Variants in AKIRIN1 observed in about 807,000 individuals in gnomAD.
AKIRIN1 encodes akirin 1.
A neutral mutation model predicts 25.9 loss-of-function variants in AKIRIN1; 4 were observed. The observed-to-expected ratio is 0.15, with a 90% confidence interval of 0.08 to 0.35. The LOEUF (loss-of-function observed/expected upper bound fraction) is 0.35, where lower values mean the gene tolerates loss of function less well. AKIRIN1 is among the 10% of genes least tolerant of loss of function. The pLI is 1.00. For missense variants in AKIRIN1, 243 were observed against 266.1 expected, an observed-to-expected ratio of 0.91 and a Z score of 0.61; for synonymous variants, 125 against 105.1, an observed-to-expected ratio of 1.19 and a Z score of -1.16.
intron 1 of AKIRIN1, among the ~76,000 whole-genome samples, chr1:38,992,192 A>G (rs576540235): frequency 2.2e-4 from 33 of 152,314 alleles, no homozygotes; most frequent in African/African-American, 7.9e-4. Context: ...CTCGTACCAT[A>G]TATGGCTTGA....
chr1:39,000,663 CT>C (rs796916087), intron 2 of AKIRIN1, among the ~76,000 whole-genome samples: 12 of 144,178 alleles, frequency 8.3e-5, no homozygotes, highest in African/African-American at 7.6e-5. Context: ...TTTCTTTTTT[CT>C]TTTTTTTTTG....
chr1:38,997,274 T>C (rs984236168), intron 1 of AKIRIN1, among the ~76,000 whole-genome samples: 1 of 152,182 alleles, frequency 6.6e-6, no homozygotes, highest in Admixed American at 6.6e-5. Context: ...TCAAGGTGGT[T>C]AGTAATTTGT....
rs1223101017 is a variant in AKIRIN1, at chr1:39,005,112, C to T, written c.*1057C>T. ...CTTGAGGTCAGGAGTTCGAGACCAC[C>T]CTGGCCAATATGGTGAAACCCCATC... On this transcript the variant is annotated 3_prime_UTR_variant, in exon 5 of 5. Coordinates refer to ENST00000432648, the MANE Select transcript of AKIRIN1 (RefSeq NM_024595.3). The T allele has an allele frequency of 6.6e-6, 1 of 152,280 alleles. No individual in the cohort carries two copies. Among genetic ancestry groups the T allele is most frequent in the African/African-American group, 2.4e-5 (1 of 41,548 alleles). 9.4% of individuals were successfully genotyped at this position (152,280 alleles called of 1,614,324 possible).
At chr1:38,999,407 G>A (rs1643971637) in intron 2 of AKIRIN1, among the ~76,000 whole-genome samples, 1 of 152,228 alleles carries the variant, frequency 6.6e-6, no homozygotes, top group Admixed American at 6.5e-5. Context: ...GGTGGTAGTA[G>A]TGTAACATTT....
intron 1 of AKIRIN1, among the ~76,000 whole-genome samples, chr1:38,995,898 G>A (rs76222953): frequency 0.049 from 7,415 of 152,186 alleles, 221 homozygotes; most frequent in South Asian, 0.091. Context: ...GGTGGGTGTG[G>A]TGGCGGGCTC....
At position 39,004,308 on chromosome 1, in the gene AKIRIN1, G is replaced by A; in HGVS notation, c.*253G>A. 1.5e-6 allele frequency: 1 copy of A among 651,488 alleles called. No individual in the cohort carries two copies. The highest frequency in any genetic ancestry group is 2.8e-6 in the Non-Finnish European group (1 of 357,768). 40.4% of individuals were successfully genotyped at this position (651,488 alleles called of 1,614,324 possible). On this transcript the variant is annotated 3_prime_UTR_variant, in exon 5 of 5. Coordinates refer to ENST00000432648, the MANE Select transcript of AKIRIN1 (RefSeq NM_024595.3). ...TAGATTTTCCAAACAAAAATACCTG[G>A]AGCAGCAGTTTAGCAAAATATGCCT... is the stretch of plus-strand genomic sequence containing the variant.
At chr1:39,000,428 A>G (rs540929731) in intron 2 of AKIRIN1, among the ~76,000 whole-genome samples, 29 of 143,394 alleles carry the variant, frequency 2.0e-4, no homozygotes, top group African/African-American at 7.2e-4. Context: ...GCTCACTGCA[A>G]TCTCCGCCTC....
intron 1 of AKIRIN1, 47 bp downstream of exon 1, chr1:38,991,647 T>A: frequency 1.7e-6 from 2 of 1,165,266 alleles, no homozygotes; most frequent in Non-Finnish European, 2.2e-6. Flanking sequence ...GCCCAGGCAT[T>A]TTTTGGGGGG....
In AKIRIN1 at chr1:39,004,131, G is replaced by A. The variant is rs757539408; in HGVS notation, c.*76G>A. 40 of 1,495,060 alleles carry A rather than the reference G, an allele frequency of 2.7e-5. No homozygotes were observed. The highest frequency in any genetic ancestry group is 3.4e-4 in the Middle Eastern group (2 of 5,830). The allele number at this position is 1,495,060 out of a possible 1,614,324, so 92.6% of individuals were successfully genotyped here. On this transcript the variant is annotated 3_prime_UTR_variant, in exon 5 of 5. Transcript: ENST00000432648. ...GTACACTTTTTGCAACTGGTTTGAT[G>A]TCACATTTCAGCTCCAACTTTGCAT...
chr1:38,991,313 C>G lies in AKIRIN1; in HGVS notation c.-68C>G, dbSNP rs988725727. 610 of 1,273,066 alleles carry G rather than the reference C, an allele frequency of 4.8e-4. No individual in the cohort carries two copies. Among genetic ancestry groups the G allele is most frequent in the Non-Finnish European group, 5.9e-4 (592 of 1,000,358 alleles). The allele number at this position is 1,273,066 out of a possible 1,614,324, so 78.9% of individuals were successfully genotyped here. On this transcript the variant is annotated 5_prime_UTR_variant, in exon 1 of 5. Transcript: ENST00000432648. ...ATTGGAGCCGGCTTGGCTGGCGAGC[C>G]CGGCTGAGGAGCCTCTTGGGCCGCA... is the stretch of plus-strand genomic sequence containing the variant.
At chr1:38,995,388 G>T (rs959566435) in intron 1 of AKIRIN1, among the ~76,000 whole-genome samples, 1 of 152,100 alleles carries the variant, frequency 6.6e-6, no homozygotes, top group Non-Finnish European at 1.5e-5. Context: ...GAAAAAATCT[G>T]GCAGCACAAC....
intron 3 of AKIRIN1, 138 bp downstream of exon 3, chr1:39,001,244 G>T: frequency 1.0e-6 from 1 of 999,590 alleles, no homozygotes; most frequent in Non-Finnish European, 1.4e-6. Context: ...TTACTCTTTG[G>T]TGATTGTAAA....
At chr1:38,993,139 G>C (rs905912689) in intron 1 of AKIRIN1, among the ~76,000 whole-genome samples, 3 of 152,242 alleles carry the variant, frequency 2.0e-5, no homozygotes, top group Non-Finnish European at 4.4e-5. Flanking sequence ...CCTCAAGATA[G>C]TTGCAAAAAG....
chr1:38,995,178 A>G (rs982364782), intron 1 of AKIRIN1, among the ~76,000 whole-genome samples: 1 of 152,168 alleles, frequency 6.6e-6, no homozygotes, highest in Non-Finnish European at 1.5e-5. Context: ...GCACAGGGAA[A>G]CCATGAGAGC....
At position 39,000,992 on chromosome 1, in the gene AKIRIN1, G is replaced by A; in HGVS notation, c.382G>A (p.Asp128Asn). The A allele has an allele frequency of 6.2e-7, 1 of 1,612,738 alleles. No homozygotes were observed. Among genetic ancestry groups the A allele is most frequent in the Middle Eastern group, 1.7e-4 (1 of 6,052 alleles). ...SSPGSSWMKK[D>N]QPTFTLRQVG... ...GCCAGGTTCCTCATGGATGAAGAAG[G>A]ACCAGCCCACATTTACCCTCCGACA... The change falls in exon 3 of 5, where the codon GAC becomes AAC. Residue 128 changes from aspartate to asparagine, a missense_variant. Physicochemically the swap from Asp to Asn is conservative, Grantham distance 23 (BLOSUM62 1). Transcript: ENST00000432648.
chr1:39,004,125 T>C lies in AKIRIN1; in HGVS notation c.*70T>C. 1 of 1,515,506 alleles carries C rather than the reference T, an allele frequency of 6.6e-7. No individual in the cohort carries two copies. The highest frequency in any genetic ancestry group is 9.2e-7 in the Non-Finnish European group (1 of 1,090,474). The allele number at this position is 1,515,506 out of a possible 1,614,324, so 93.9% of individuals were successfully genotyped here. The stretch of plus-strand genomic sequence containing the variant: ...GCTGCTGTACACTTTTTGCAACTGG[T>C]TTGATGTCACATTTCAGCTCCAACT... On this transcript the variant is annotated 3_prime_UTR_variant, in exon 5 of 5. Transcript: ENST00000432648.
At chr1:38,991,883 C>G (rs1479551190) in intron 1 of AKIRIN1, among the ~76,000 whole-genome samples, 1 of 152,074 alleles carries the variant, frequency 6.6e-6, no homozygotes, top group Non-Finnish European at 1.5e-5. Flanking sequence ...CCGCTCCGGG[C>G]CCTCCCTGTC....
At chr1:38,992,984 C>G (rs556586864) in intron 1 of AKIRIN1, among the ~76,000 whole-genome samples, 1 of 152,312 alleles carries the variant, frequency 6.6e-6, no homozygotes, top group South Asian at 2.1e-4. Flanking sequence ...AAAGAACCCT[C>G]AAAGACAGGC....
chr1:39,001,359 G>T (rs1481602344), intron 3 of AKIRIN1, among the ~76,000 whole-genome samples: 1 of 149,888 alleles, frequency 6.7e-6, no homozygotes, highest in Non-Finnish European at 1.5e-5. Flanking sequence ...CGCCTGCCAG[G>T]TTCTAACGAT....
Sources: gnomAD v4.1 joint callset for allele counts (sites outside exome capture counted in the v4.1 genomes callset) on GRCh38, gnomAD v4.1.1 for gene constraint, MANE v1.5 for transcripts, NCBI Gene and HGNC (gene_info 2026-07-23, HGNC 2026-07-21) for gene names.